The following VPS13B variants were observed in gnomAD, a reference collection of about 807,000 sequenced individuals.
VPS13B encodes the protein intermembrane lipid transfer protein VPS13B.
A neutral mutation model predicts 426.4 loss-of-function variants in VPS13B; 285 were observed. The ratio of observed to expected loss-of-function variants is 0.67; its 90% CI spans 0.61 to 0.74. The LOEUF (loss-of-function observed/expected upper bound fraction) is 0.74. VPS13B is among the 30% of genes least tolerant of loss of function. The pLI, the probability that VPS13B is intolerant of heterozygous loss-of-function variation, is 0.00. For missense variants in VPS13B, 4,537 were observed against 4,782.6 expected, an observed-to-expected ratio of 0.95 and a Z score of 1.51; for synonymous variants, 1,676 against 1,676.4, an observed-to-expected ratio of 1.00 and a Z score of 0.01.
intron 30 of VPS13B, among the ~76,000 whole-genome samples, chr8:99,535,950 ATT>A (rs766421706): frequency 1.2e-4 from 17 of 143,584 alleles, no homozygotes; most frequent in East Asian, 4.0e-4. Context: ...TTTAATCCAA[ATT>A]TTTTTTTTTT....
intron 31 of VPS13B, among the ~76,000 whole-genome samples, chr8:99,568,194 AATTTT>A (rs1435470490): frequency 1.3e-5 from 2 of 152,034 alleles, no homozygotes; most frequent in African/African-American, 4.8e-5. Flanking sequence ...AGAGAGTTTG[AATTTT>A]ATTTTAATTG....
chr8:99,647,764 A>T (rs532234323), intron 34 of VPS13B, among the ~76,000 whole-genome samples: 1 of 152,198 alleles, frequency 6.6e-6, no homozygotes, highest in East Asian at 1.9e-4. Context: ...ATCTCAAGAG[A>T]TTTTTATTCT....
At chr8:99,214,746 T>G (rs1391679295) in intron 17 of VPS13B, among the ~76,000 whole-genome samples, 1 of 152,190 alleles carries the variant, frequency 6.6e-6, no homozygotes. Context: ...CCATAATTTC[T>G]TTTTCCATCC....
intron 19 of VPS13B, among the ~76,000 whole-genome samples, chr8:99,296,631 T>C (rs1222072435): frequency 1.3e-5 from 2 of 152,234 alleles, no homozygotes; most frequent in Non-Finnish European, 2.9e-5. Context: ...CTAAAATTCC[T>C]ATGTTAAAAC....
chr8:99,325,732 A>C (rs1317267723), intron 19 of VPS13B, among the ~76,000 whole-genome samples: 1 of 114,682 alleles, frequency 8.7e-6, no homozygotes, highest in Non-Finnish European at 1.9e-5. Context: ...CTTAGAAAAA[A>C]GATCACTTTT....
At chr8:99,573,539 C>T (rs1477373325) in intron 31 of VPS13B, among the ~76,000 whole-genome samples, 1 of 152,128 alleles carries the variant, frequency 6.6e-6, no homozygotes, top group African/African-American at 2.4e-5. Flanking sequence ...TTTCCCAGCA[C>T]CATTTATTAA....
chr8:99,656,868 A>G (rs781608064), intron 34 of VPS13B, among the ~76,000 whole-genome samples: 2 of 152,196 alleles, frequency 1.3e-5, no homozygotes, highest in Non-Finnish European at 2.9e-5. Context: ...TTTAGCAAAA[A>G]CTGGGAAAAG....
Position 99,250,154 on chromosome 8 carries a change from T to C in VPS13B, c.2516-24044T>C, listed in dbSNP as rs375489760. Among the ~76,000 whole-genome samples the C allele has an allele frequency of 3.3e-5, 5 of 152,238 alleles. No homozygotes were observed. The East Asian group carries it at 9.6e-4, about 29-fold the overall frequency. Reference sequence around the variant, plus strand: ...TTGAATATTTTTTAATATGTTTATTTGCTATCAGTGTATCCCCTCAGTGAA... The same window carrying C: ...TTGAATATTTTTTAATATGTTTATTCGCTATCAGTGTATCCCCTCAGTGAA... On this transcript the variant is annotated intron_variant, in intron 17 of 61. Coordinates refer to ENST00000357162, the MANE Select transcript of VPS13B (RefSeq NM_152564.5).
intron 33 of VPS13B, among the ~76,000 whole-genome samples, chr8:99,582,465 A>C (rs918718937): frequency 1.3e-5 from 2 of 152,034 alleles, no homozygotes; most frequent in African/African-American, 4.8e-5. Context: ...TAAGGGTTCT[A>C]TCTCTTCTGC....
chr8:99,492,291 G>C (rs1820645744), intron 25 of VPS13B, among the ~76,000 whole-genome samples: 1 of 152,210 alleles, frequency 6.6e-6, no homozygotes, highest in African/African-American at 2.4e-5. Context: ...CCCCTACTGG[G>C]AGGTGTCTCT....
At chr8:99,704,892 A>G in intron 36 of VPS13B, among the ~76,000 whole-genome samples, 1 of 152,172 alleles carries the variant, frequency 6.6e-6, no homozygotes, top group East Asian at 1.9e-4. Context: ...TATCTTGACA[A>G]TGAAATGAGT....
At chr8:99,324,575 T>C (rs896159910) in intron 19 of VPS13B, among the ~76,000 whole-genome samples, 5 of 152,212 alleles carry the variant, frequency 3.3e-5, no homozygotes, top group African/African-American at 1.2e-4. Flanking sequence ...ATTTATTTGT[T>C]GGACTACTCC....
At chr8:99,813,926 G>T (rs1412526480) in intron 44 of VPS13B, among the ~76,000 whole-genome samples, 1 of 152,180 alleles carries the variant, frequency 6.6e-6, no homozygotes, top group Non-Finnish European at 1.5e-5. Context: ...TTGAGCCCAG[G>T]GGTTTGAGAC....
chr8:99,423,644 A>G (rs1009435010), intron 21 of VPS13B, among the ~76,000 whole-genome samples: 3 of 152,066 alleles, frequency 2.0e-5, no homozygotes, highest in Admixed American at 2.0e-4. Context: ...TATTTTCCCC[A>G]TATATAAAAC....
At chr8:99,613,109 G>A (rs1827912967) in intron 33 of VPS13B, among the ~76,000 whole-genome samples, 1 of 152,122 alleles carries the variant, frequency 6.6e-6, no homozygotes, top group African/African-American at 2.4e-5. Flanking sequence ...TCATGAAGAA[G>A]ACAATTGACT....
At chr8:99,545,352 T>C (rs576153248) in intron 30 of VPS13B, among the ~76,000 whole-genome samples, 1 of 152,260 alleles carries the variant, frequency 6.6e-6, no homozygotes, top group Non-Finnish European at 1.5e-5. Flanking sequence ...TGTCCTGTGA[T>C]AGTGGAAATT....
intron 16 of VPS13B, among the ~76,000 whole-genome samples, chr8:99,179,807 T>A (rs1247453278): frequency 6.6e-6 from 1 of 152,188 alleles, no homozygotes; most frequent in Non-Finnish European, 1.5e-5. Context: ...GGCATGCGTC[T>A]GGCTGTTTCT....
At position 99,480,028 on chromosome 8, in the gene VPS13B, C is replaced by G. The variant is rs142354437; in HGVS notation, c.3667-1571C>G. Among the ~76,000 whole-genome samples the G allele has an allele frequency of 1.2e-4, 19 of 152,276 alleles. No homozygotes were observed. In the East Asian group the frequency reaches 1.3e-3, roughly 11 times the overall value. Reference sequence around the variant, plus strand: ...GCAGAAAATGAGAGCGTTAGTTACTCTACATCCTTACTAATACTTGATGTA... The same window carrying G: ...GCAGAAAATGAGAGCGTTAGTTACTGTACATCCTTACTAATACTTGATGTA... On this transcript the variant is annotated intron_variant, in intron 24 of 61. Coordinates refer to ENST00000357162, the MANE Select transcript of VPS13B (RefSeq NM_152564.5).
chr8:99,751,473 A>T (rs963745544), intron 39 of VPS13B, among the ~76,000 whole-genome samples: 1 of 152,164 alleles, frequency 6.6e-6, no homozygotes, highest in Non-Finnish European at 1.5e-5. Context: ...CACACTTCAA[A>T]TCACTTCTAG....
Sources: allele counts gnomAD v4.1 joint callset (sites outside exome capture counted in the v4.1 genomes callset), GRCh38; gene constraint gnomAD v4.1.1; transcripts MANE v1.5; gene names NCBI Gene and HGNC (gene_info 2026-07-23, HGNC 2026-07-21).